The following DCHS2 variants were observed in gnomAD, a reference collection of about 807,000 sequenced individuals.
DCHS2 encodes the protein dachsous cadherin-related 2.
A neutral mutation model predicts 182.4 loss-of-function variants in DCHS2; 142 were observed. The ratio of observed to expected loss-of-function variants is 0.78; its 90% CI spans 0.68 to 0.89. The LOEUF (loss-of-function observed/expected upper bound fraction) is 0.89. DCHS2 is among the 40% of genes least tolerant of loss of function. DCHS2 has a pLI of 0.00. For synonymous variants in DCHS2, 1,740 were observed against 1,663.3 expected (o/e 1.05, Z -1.12); for missense variants, 4,319 against 4,198.6 (o/e 1.03, Z -0.79).
At chr4:154,426,485 T>A (rs756092259) in intron 1 of DCHS2, among the ~76,000 whole-genome samples, 1 of 152,128 alleles carries the variant, frequency 6.6e-6, no homozygotes, top group East Asian at 1.9e-4. Context: ...GGTCTCCGCA[T>A]AAGGTTATAT....
At chr4:154,302,682 G>A (rs1735248877) in intron 12 of DCHS2, among the ~76,000 whole-genome samples, 1 of 151,820 alleles carries the variant, frequency 6.6e-6, no homozygotes, top group African/African-American at 2.4e-5. Context: ...TTTCCAACCT[G>A]GCTGAGAAGG....
intron 1 of DCHS2, among the ~76,000 whole-genome samples, chr4:154,434,781 G>A (rs1733704436): frequency 6.6e-6 from 1 of 152,134 alleles, no homozygotes; most frequent in Non-Finnish European, 1.5e-5. Flanking sequence ...TTACCTCTGT[G>A]GTCTTCTTTC....
At chr4:154,251,844 G>C (rs925608137) in intron 16 of DCHS2, among the ~76,000 whole-genome samples, 1 of 152,124 alleles carries the variant, frequency 6.6e-6, no homozygotes, top group Non-Finnish European at 1.5e-5. Context: ...AACTCCTTGA[G>C]AACAAGGGCT....
In DCHS2 at chr4:154,490,090, GC is replaced by G; in HGVS notation, c.1265del (p.Gly422AlafsTer98). Reference sequence around the variant, plus strand: ...GGGCGCCTTCAGAGACACGGGCGACGCCTCCCTCTGTGAGAAAGAGCACGTG... The same window carrying G: ...GGGCGCCTTCAGAGACACGGGCGACGCTCCCTCTGTGAGAAAGAGCACGTG... The part of the protein sequence containing the change: ...AIHVLFLTEG[G>X]VARVSEGARP... On this transcript the variant is annotated frameshift_variant, in exon 1 of 20. Transcript: ENST00000357232. LOFTEE classifies it high-confidence loss of function. 1 of 1,549,484 alleles carries G rather than the reference GC, an allele frequency of 6.5e-7. No individual in the cohort carries two copies. The highest frequency in any genetic ancestry group is 8.7e-7 in the Non-Finnish European group (1 of 1,146,704).
intron 13 of DCHS2, among the ~76,000 whole-genome samples, chr4:154,270,747 A>G (rs1733551448): frequency 2.0e-5 from 3 of 151,548 alleles, no homozygotes; most frequent in African/African-American, 7.3e-5. Flanking sequence ...GGGATGGGAG[A>G]TGGAGAGACA....
chr4:154,491,601 C>A lies in DCHS2; in HGVS notation c.-246G>T. The A allele has an allele frequency of 7.5e-7, 1 of 1,336,074 alleles. No homozygotes were observed. 82.8% of individuals were successfully genotyped at this position (1,336,074 alleles called of 1,614,324 possible). A position where few individuals can be genotyped will look rare whatever the true frequency, so the allele number is the denominator to read the frequency against. ...TGCCGCGGCAGCCACCTCTTCTGCC[C>A]CTGGATTTCTTTAAACGAATCTCAT... On this transcript the variant is annotated 5_prime_UTR_variant, in exon 1 of 20. Coordinates refer to ENST00000357232, the MANE Select transcript of DCHS2 (RefSeq NM_001358235.2).
At position 154,255,632 on chromosome 4, in the gene DCHS2, C is replaced by T; in HGVS notation, c.6828G>A (p.Leu2276=). The T allele has an allele frequency of 6.2e-7, 1 of 1,613,936 alleles. No individual in the cohort carries two copies. The highest frequency in any genetic ancestry group is 2.2e-5 in the East Asian group (1 of 44,812). ...ATDLDSGLNG[L]IEYSILSGNQ... ...TGCCAGACAGAATAGAATACTCAATCAGGCCGTTCAAACCACTGTCCAAGT... is the reference window on the plus strand; with the variant it reads ...TGCCAGACAGAATAGAATACTCAATTAGGCCGTTCAAACCACTGTCCAAGT... The change falls in exon 16 of 20, where the codon CTG becomes CTA. Residue 2276 remains leucine, a synonymous_variant. Coordinates refer to ENST00000357232, the MANE Select transcript of DCHS2 (RefSeq NM_001358235.2).
At chr4:154,357,181 T>C in intron 3 of DCHS2, 3 of 1,422,048 alleles carry the variant, frequency 2.1e-6, no homozygotes, top group Non-Finnish European at 2.0e-6. Flanking sequence ...TGGTGAATGC[T>C]TCTGACTCTG....
At chr4:154,323,859 C>A (rs1295888233) in intron 7 of DCHS2, among the ~76,000 whole-genome samples, 154 of 144,098 alleles carry the variant, frequency 1.1e-3, no homozygotes, top group African/African-American at 1.4e-3. Context: ...TCCCTCCCCC[C>A]AAAAAAAACC....
At chr4:154,288,626 C>T (rs374488714) in intron 13 of DCHS2, among the ~76,000 whole-genome samples, 41 of 152,252 alleles carry the variant, frequency 2.7e-4, no homozygotes, top group African/African-American at 8.9e-4. Flanking sequence ...ACACATTCTT[C>T]TCCTCAGCAC....
intron 3 of DCHS2, among the ~76,000 whole-genome samples, chr4:154,344,022 C>A (rs1729239228): frequency 6.8e-6 from 1 of 146,986 alleles, no homozygotes; most frequent in African/African-American, 2.6e-5. Flanking sequence ...ATTGCTGTGT[C>A]TTGGGGATTA....
chr4:154,444,742 T>A (rs1734197633), intron 1 of DCHS2, among the ~76,000 whole-genome samples: 1 of 152,172 alleles, frequency 6.6e-6, no homozygotes, highest in Non-Finnish European at 1.5e-5. Context: ...CTCACTTTCC[T>A]CCACACTCAG....
chr4:154,290,543 A>T (rs1356150967), intron 13 of DCHS2, among the ~76,000 whole-genome samples: 1 of 151,524 alleles, frequency 6.6e-6, no homozygotes, highest in Non-Finnish European at 1.5e-5. Flanking sequence ...AAATTATACT[A>T]CAAAACTATA....
Position 154,350,238 on chromosome 4 carries a change from T to C in DCHS2, c.2477-15134A>G, listed in dbSNP as rs76646116. Among the ~76,000 whole-genome samples the C allele has an allele frequency of 8.2e-3, 1,246 of 152,300 alleles. 14 individuals carry two copies. The highest frequency in any genetic ancestry group is 0.028 in the African/African-American group (1,164 of 41,564). Reference sequence around the variant, plus strand: ...AAGTTGTTCTTATCTCCAAGACATATTACCCTGAATTTCTTTGATTTTAAT... The same window carrying C: ...AAGTTGTTCTTATCTCCAAGACATACTACCCTGAATTTCTTTGATTTTAAT... On this transcript the variant is annotated intron_variant, in intron 3 of 19. Transcript: ENST00000357232.
At chr4:154,272,081 A>G (rs972242983) in intron 13 of DCHS2, 1 of 152,114 alleles carries the variant, frequency 6.6e-6, no homozygotes, top group Non-Finnish European at 1.5e-5. Flanking sequence ...CAAGCATGTT[A>G]TTTTATGTAT....
intron 1 of DCHS2, among the ~76,000 whole-genome samples, chr4:154,413,697 A>G (rs1026859839): frequency 5.3e-5 from 8 of 152,184 alleles, no homozygotes; most frequent in African/African-American, 1.9e-4. Flanking sequence ...CAGAAACCCA[A>G]GGGCTGGCTG....
chr4:154,485,611 C>T (rs1301981609), intron 1 of DCHS2, among the ~76,000 whole-genome samples: 1 of 152,160 alleles, frequency 6.6e-6, no homozygotes, highest in Non-Finnish European at 1.5e-5. Flanking sequence ...CAGTTCCTGG[C>T]ATGTAATAGA....
chr4:154,259,292 C>A (rs541902494), intron 15 of DCHS2, among the ~76,000 whole-genome samples: 1 of 152,076 alleles, frequency 6.6e-6, no homozygotes. Flanking sequence ...CTCAACAGTA[C>A]TCCTAGAGAA....
chr4:154,401,805 C>T (rs191716507), intron 1 of DCHS2, among the ~76,000 whole-genome samples: 235 of 152,286 alleles, frequency 1.5e-3, no homozygotes, highest in African/African-American at 5.2e-3. Context: ...CCAGCCTGGT[C>T]AACGTGGTGA....
Sources: allele counts gnomAD v4.1 joint callset (sites outside exome capture counted in the v4.1 genomes callset), GRCh38; gene constraint gnomAD v4.1.1; transcripts MANE v1.5; gene names NCBI Gene and HGNC (gene_info 2026-07-23, HGNC 2026-07-21).